The following DRAXIN variants were observed in gnomAD, a reference collection of about 807,000 sequenced individuals.
DRAXIN encodes the protein dorsal inhibitory axon guidance protein.
A neutral mutation model predicts 33.9 loss-of-function variants in DRAXIN; 27 were observed. The observed-to-expected ratio is 0.80, with a 90% confidence interval of 0.59 to 1.10. The LOEUF is 1.10. Among genes scored for constraint, DRAXIN ranks in the 50% least tolerant of loss-of-function variants. The pLI, the probability that DRAXIN is intolerant of heterozygous loss-of-function variation, is 0.00. For missense variants in DRAXIN, 371 were observed against 460.8 expected, an observed-to-expected ratio of 0.81 and a Z score of 1.78; for synonymous variants, 178 against 194.0, an observed-to-expected ratio of 0.92 and a Z score of 0.69.
At chr1:11,687,062 T>C (rs1165177076), upstream of DRAXIN, among the ~76,000 whole-genome samples, 1 of 152,110 alleles carries the variant, frequency 6.6e-6, no homozygotes, top group Non-Finnish European at 1.5e-5. The surrounding 1 kb of genome is among the most constrained non-coding windows in gnomAD (Gnocchi z 4.1). Context: ...CCAATTTTTT[T>C]ATTTTTTTAT....
upstream of DRAXIN, among the ~76,000 whole-genome samples, chr1:11,689,383 A>G (rs1440713914): frequency 6.6e-6 from 1 of 150,680 alleles, no homozygotes; most frequent in Non-Finnish European, 1.5e-5. Flanking sequence ...GGATCACCTG[A>G]GGTCAGGAGT....
chr1:11,702,447 A>C (rs958253536), intron 1 of DRAXIN, among the ~76,000 whole-genome samples: 1 of 150,594 alleles, frequency 6.6e-6, no homozygotes, highest in Non-Finnish European at 1.5e-5. Flanking sequence ...ACTCCTACAC[A>C]CTCACAACAC....
At position 11,691,844 on chromosome 1, in the gene DRAXIN, G is replaced by A. The variant is rs985620159; in HGVS notation, c.-20G>A. 5 of 149,774 alleles carry A rather than the reference G, an allele frequency of 3.3e-5. No individual in the cohort carries two copies. Among genetic ancestry groups the A allele is most frequent in the Non-Finnish European group, 7.4e-5 (5 of 67,350 alleles). 9.3% of individuals were successfully genotyped at this position (149,774 alleles called of 1,614,324 possible). A position where few individuals can be genotyped will look rare whatever the true frequency, so the allele number is the denominator to read the frequency against. On this transcript the variant is annotated 5_prime_UTR_variant, in exon 1 of 7. Coordinates refer to ENST00000294485, the MANE Select transcript of DRAXIN (RefSeq NM_198545.4). ...CGAGCCCCTCCTCCCCCTACCCGCC[G>A]GCCGGACAGGTAAGGCACGGCCTCG...
intron 1 of DRAXIN, among the ~76,000 whole-genome samples, chr1:11,700,728 G>A (rs904711121): frequency 2.0e-5 from 3 of 152,200 alleles, no homozygotes; most frequent in Non-Finnish European, 4.4e-5. Flanking sequence ...GGGGTTGCCT[G>A]CTTCACATCA....
In DRAXIN at chr1:11,695,118, C is replaced by T. The variant is rs187216191; in HGVS notation, c.-11+3265C>T. ...TGGATGGCAGCATGAGGAGCAGTCT[C>T]GGCCAGGAATGTGATGGAGCAGGGA... On this transcript the variant is annotated intron_variant, in intron 1 of 6. Transcript: ENST00000294485. Among the ~76,000 whole-genome samples, 17 of 152,250 alleles carry T rather than the reference C, an allele frequency of 1.1e-4. No individual in the cohort carries two copies. The East Asian group carries it at 3.1e-3, about 28-fold the overall frequency.
intron 6 of DRAXIN, among the ~76,000 whole-genome samples, chr1:11,717,024 C>T (rs1420805225): frequency 6.6e-6 from 1 of 152,160 alleles, no homozygotes; most frequent in African/African-American, 2.4e-5. Flanking sequence ...GTGGCTCATG[C>T]CTGTAATCCT....
intron 1 of DRAXIN, among the ~76,000 whole-genome samples, chr1:11,699,309 T>C (rs1387404790): frequency 1.3e-5 from 2 of 152,022 alleles, no homozygotes; most frequent in Admixed American, 6.6e-5. Context: ...TTATAAGCAG[T>C]GTAGCACTCC....
In DRAXIN at chr1:11,694,750, T is replaced by C. The variant is rs1396240892; in HGVS notation, c.-11+2897T>C. 6.6e-6 allele frequency among the ~76,000 whole-genome samples: 1 copy of C among 152,188 alleles called. No individual in the cohort carries two copies. Among genetic ancestry groups the C allele is most frequent in the African/African-American group, 2.4e-5 (1 of 41,432 alleles). On this transcript the variant is annotated intron_variant, in intron 1 of 6. Coordinates refer to ENST00000294485, the MANE Select transcript of DRAXIN (RefSeq NM_198545.4). The surrounding 1 kb of genome is among the most constrained non-coding windows in gnomAD (Gnocchi z 4.9). ...TCTGCATGCCCTACTCCAGCCTTCC[T>C]TCTCAGGGGTGAGTCGCTGTGGCCA...
At chr1:11,716,072 T>C (rs1641573902) in intron 6 of DRAXIN, among the ~76,000 whole-genome samples, 1 of 152,238 alleles carries the variant, frequency 6.6e-6, no homozygotes, top group Non-Finnish European at 1.5e-5. Flanking sequence ...TTTTGCCATG[T>C]TCCCTAGGCT....
intron 5 of DRAXIN, among the ~76,000 whole-genome samples, chr1:11,713,655 G>A (rs1250245892): frequency 1.3e-5 from 2 of 152,316 alleles, no homozygotes; most frequent in South Asian, 4.1e-4. Flanking sequence ...ATGGGAGGCC[G>A]AGGCGGGAGG....
chr1:11,699,401 G>T lies in DRAXIN; in HGVS notation c.-10-6848G>T, dbSNP rs564663426. ...CAACACACCTTTAAGCCCTACTTGC[G>T]ATCAGACTAACTCTCTTTGGCTTCT... is the stretch of plus-strand genomic sequence containing the variant. On this transcript the variant is annotated intron_variant, in intron 1 of 6. Transcript: ENST00000294485. 1.3e-5 allele frequency among the ~76,000 whole-genome samples: 2 copies of T among 151,706 alleles called. 1 individual carries two copies. The highest frequency in any genetic ancestry group is 1.3e-4 in the Admixed American group (2 of 15,208).
In DRAXIN at chr1:11,696,809, C is replaced by T. The variant is rs1411449648; in HGVS notation, c.-11+4956C>T. Among the ~76,000 whole-genome samples, 1 of 151,916 alleles carries T rather than the reference C, an allele frequency of 6.6e-6. No homozygotes were observed. The highest frequency in any genetic ancestry group is 1.9e-4 in the East Asian group (1 of 5,150). ...CAATGAGCCTCCTGGTTTCAGTGAG[C>T]CAAGATCGCGCCACTGCACTCCAGC... On this transcript the variant is annotated intron_variant, in intron 1 of 6. Transcript: ENST00000294485. This position sits in a 1 kb window ranked among gnomAD's most constrained non-coding sequence, Gnocchi z 4.7.
Position 11,706,551 on chromosome 1 carries a change from C to T in DRAXIN, c.293C>T (p.Pro98Leu). 1 of 1,611,132 alleles carries T rather than the reference C, an allele frequency of 6.2e-7. No individual in the cohort carries two copies. The highest frequency in any genetic ancestry group is 2.2e-5 in the East Asian group (1 of 44,812). The change falls in exon 2 of 7, where the codon CCT becomes CTT. Residue 98 changes from proline to leucine, a missense_variant. Coordinates refer to ENST00000294485, the MANE Select transcript of DRAXIN (RefSeq NM_198545.4). This position sits in a 1 kb window ranked among gnomAD's most constrained non-coding sequence, Gnocchi z 5.5. ...CTGCCAGAGGCTGAGGGGCTGCTGC[C>T]TGAGCAGAGTCCTGCAGGCCTGCTG... ...SRLPEAEGLLPEQSPAGLLQD... is the reference protein window; with the variant it reads ...SRLPEAEGLLLEQSPAGLLQD...
Position 11,719,928 on chromosome 1 carries a change from C to T in DRAXIN, c.*232C>T, listed in dbSNP as rs1365792491. The T allele has an allele frequency of 1.9e-5, 10 of 514,468 alleles. No individual in the cohort carries two copies. Among genetic ancestry groups the T allele is most frequent in the Non-Finnish European group, 3.6e-5 (10 of 280,170 alleles). The allele number at this position is 514,468 out of a possible 1,614,324, so 31.9% of individuals were successfully genotyped here. ...GTCCGGACCCACGCAGCCTCCATCC[C>T]GCGTGTCTTGCTCTCCGCGATGGCA... On this transcript the variant is annotated 3_prime_UTR_variant, in exon 7 of 7. Coordinates refer to ENST00000294485, the MANE Select transcript of DRAXIN (RefSeq NM_198545.4).
intron 2 of DRAXIN, among the ~76,000 whole-genome samples, chr1:11,708,525 CA>C (rs1244541881): frequency 2.0e-5 from 3 of 152,142 alleles, no homozygotes; most frequent in Non-Finnish European, 4.4e-5. Flanking sequence ...GTGGGAGAAT[CA>C]CTTGAACCCT....
chr1:11,689,616 G>A (rs144707682), upstream of DRAXIN, among the ~76,000 whole-genome samples: 766 of 152,268 alleles, frequency 5.0e-3, 8 homozygotes, highest in African/African-American at 0.016. Context: ...AAAAGGCGGG[G>A]GGAGGGGAGA....
At chr1:11,717,329 T>C (rs573499637) in intron 6 of DRAXIN, among the ~76,000 whole-genome samples, 1 of 151,192 alleles carries the variant, frequency 6.6e-6, no homozygotes, top group Non-Finnish European at 1.5e-5. Flanking sequence ...GATAATAATA[T>C]GATAATGAGT....
Position 11,706,937 on chromosome 1 carries a change from G to A in DRAXIN, c.451+228G>A, listed in dbSNP as rs560291408. The stretch of plus-strand genomic sequence containing the variant: ...AATACAATCTGTCTTATCGCGGCCC[G>A]GTGCCGTGGCTCACGCTTGTAATCC... On this transcript the variant is annotated intron_variant, in intron 2 of 6. Coordinates refer to ENST00000294485, the MANE Select transcript of DRAXIN (RefSeq NM_198545.4). This position sits in a 1 kb window ranked among gnomAD's most constrained non-coding sequence, Gnocchi z 5.5. 3.3e-5 allele frequency among the ~76,000 whole-genome samples: 5 copies of A among 152,276 alleles called. No individual in the cohort carries two copies. Among genetic ancestry groups the A allele is most frequent in the South Asian group, 2.1e-4 (1 of 4,826 alleles).
Position 11,705,116 on chromosome 1 carries a change from G to A in DRAXIN, c.-10-1133G>A, listed in dbSNP as rs747769075. ...GCCCACCAACCTTTTCTCAGCCCGG[G>A]ACAATTATATGGCCACAAATCACAA... On this transcript the variant is annotated intron_variant, in intron 1 of 6. Coordinates refer to ENST00000294485, the MANE Select transcript of DRAXIN (RefSeq NM_198545.4). The surrounding 1 kb of genome is among the most constrained non-coding windows in gnomAD (Gnocchi z 4.8). Among the ~76,000 whole-genome samples the A allele has an allele frequency of 1.2e-4, 18 of 152,192 alleles. No homozygotes were observed. Among genetic ancestry groups the A allele is most frequent in the Non-Finnish European group, 2.4e-4 (16 of 68,022 alleles).
Sources: allele counts gnomAD v4.1 joint callset (sites outside exome capture counted in the v4.1 genomes callset), GRCh38; gene constraint gnomAD v4.1.1; non-coding constraint Gnocchi (gnomAD v3.1); transcripts MANE v1.5; gene names NCBI Gene and HGNC (gene_info 2026-07-23, HGNC 2026-07-21).